Variants in UTRN observed in about 807,000 individuals in gnomAD.
The protein encoded by UTRN is dystrophin-related protein 1.
In UTRN, 283 loss-of-function variants were observed where a neutral mutation model predicts 463.9. The observed-to-expected ratio is 0.61, with a 90% CI of 0.55 to 0.67. The LOEUF (loss-of-function observed/expected upper bound fraction) is 0.67, where lower values mean the gene tolerates loss of function less well. UTRN is among the 30% of genes least tolerant of loss of function. UTRN has a pLI of 0.00. For synonymous variants in UTRN, 1,442 were observed against 1,431.5 expected (o/e 1.01, Z -0.17); for missense variants, 3,922 against 4,084.3 (o/e 0.96, Z 1.08).
intron 65 of UTRN, among the ~76,000 whole-genome samples, chr6:144,805,024 T>G (rs1586646007): frequency 6.6e-6 from 1 of 152,148 alleles, no homozygotes; most frequent in Non-Finnish European, 1.5e-5. Flanking sequence ...TGAACTGTTA[T>G]AAATTATGTT....
intron 51 of UTRN, among the ~76,000 whole-genome samples, chr6:144,618,915 T>C (rs1308774338): frequency 6.6e-6 from 1 of 152,118 alleles, no homozygotes; most frequent in African/African-American, 2.4e-5. Context: ...TTTAACAACT[T>C]TTATGTTCCT....
intron 54 of UTRN, among the ~76,000 whole-genome samples, chr6:144,735,744 A>G (rs946733441): frequency 1.3e-5 from 2 of 152,042 alleles, no homozygotes; most frequent in Admixed American, 1.3e-4. Context: ...AAAACGCCAC[A>G]TTATTCTGGA....
At position 144,514,005 on chromosome 6, in the gene UTRN, A is replaced by C; in HGVS notation, c.5041A>C (p.Lys1681Gln). The change falls in exon 36 of 75, where the codon AAA becomes CAA. Residue 1681 changes from lysine (K) to glutamine (Q), a missense_variant. This residue lies in a region of UTRN where 2,349 missense variants were observed against 2,303.8 expected (regional missense o/e 1.02). Transcript: ENST00000367545. ...AGCTCTATTGGATGAAATTGAAAAG[A>C]AACCAACAAGTAAACAGGAAGAAAT... The part of the protein sequence containing the change: ...AEALLDEIEK[K>Q]PTSKQEEIVK... 1 of 1,614,052 alleles carries C rather than the reference A, an allele frequency of 6.2e-7. No individual in the cohort carries two copies. Among genetic ancestry groups the C allele is most frequent in the Non-Finnish European group, 8.5e-7 (1 of 1,179,946 alleles).
intron 10 of UTRN, 87 bp downstream of exon 10, chr6:144,436,225 C>A: frequency 7.6e-7 from 1 of 1,323,906 alleles, no homozygotes; most frequent in Non-Finnish European, 1.0e-6. Flanking sequence ...TTGTTATCTA[C>A]TGAATTCTGT....
At chr6:144,679,089 G>A (rs1554335457) in intron 52 of UTRN, among the ~76,000 whole-genome samples, 1 of 152,002 alleles carries the variant, frequency 6.6e-6, no homozygotes, top group Non-Finnish European at 1.5e-5. Context: ...TAATCATGTT[G>A]TTTTTTATGC....
intron 20 of UTRN, 48 bp from the exon 21 acceptor site, chr6:144,459,126 G>A: frequency 6.3e-7 from 1 of 1,584,986 alleles, no homozygotes; most frequent in Non-Finnish European, 8.6e-7. Context: ...CTTCCTGTGA[G>A]GATGTTCATC....
chr6:144,659,087 T>C (rs1456767989), intron 51 of UTRN, among the ~76,000 whole-genome samples: 1 of 152,194 alleles, frequency 6.6e-6, no homozygotes, highest in Non-Finnish European at 1.5e-5. Context: ...TTTTGAAAAA[T>C]AAAATTAATC....
intron 52 of UTRN, among the ~76,000 whole-genome samples, chr6:144,680,385 T>C: frequency 6.6e-6 from 1 of 152,200 alleles, no homozygotes; most frequent in Middle Eastern, 3.2e-3. Flanking sequence ...TGGAATATTA[T>C]GTAATAAGTA....
chr6:144,456,455 C>T (rs980363123), intron 19 of UTRN, among the ~76,000 whole-genome samples: 5 of 152,010 alleles, frequency 3.3e-5, no homozygotes, highest in African/African-American at 1.2e-4. Flanking sequence ...GAGATCAACA[C>T]CATCCTGGGC....
At chr6:144,788,126 G>A (rs1002140669) in intron 61 of UTRN, among the ~76,000 whole-genome samples, 1 of 152,100 alleles carries the variant, frequency 6.6e-6, no homozygotes, top group African/African-American at 2.4e-5. Flanking sequence ...ACTTATAAGT[G>A]AAATAGAAAT....
intron 50 of UTRN, among the ~76,000 whole-genome samples, chr6:144,569,958 C>A (rs1480872562): frequency 7.2e-5 from 11 of 152,188 alleles, no homozygotes; most frequent in Admixed American, 6.6e-4. Context: ...CACCCCTAGA[C>A]CCTCCAGAAA....
At chr6:144,557,695 G>A (rs577456093) in intron 50 of UTRN, among the ~76,000 whole-genome samples, 46 of 152,142 alleles carry the variant, frequency 3.0e-4, no homozygotes, top group Admixed American at 1.0e-3. Flanking sequence ...TTGGAATAGC[G>A]TGCTATTTGG....
rs1554339291 is a variant in UTRN at position 144,690,074 on chromosome 6, G to GTTTTT, written c.7653-9995_7653-9991dup. Among the ~76,000 whole-genome samples, 11 of 31,274 alleles carry GTTTTT rather than the reference G, an allele frequency of 3.5e-4. 3 individuals carry two copies. The highest frequency in any genetic ancestry group is 1.9e-3 in the South Asian group (1 of 524). The allele number at this position is 31,274 out of a possible 152,430, so 20.5% of individuals were successfully genotyped here. ...GGCCATAGAGCTCCCAAAAGTTTCT[G>GTTTTT]TTTTTTTTTTTTTTTTTTTTTTGTG... is the stretch of plus-strand genomic sequence containing the variant. On this transcript the variant is annotated intron_variant, in intron 52 of 74. Transcript: ENST00000367545.
intron 53 of UTRN, among the ~76,000 whole-genome samples, chr6:144,721,398 G>A (rs892885814): frequency 3.3e-5 from 5 of 152,104 alleles, no homozygotes; most frequent in South Asian, 2.1e-4. Flanking sequence ...TTATTGAGAC[G>A]GGGTCTAGCT....
At chr6:144,557,438 T>C in intron 50 of UTRN, 127 bp downstream of exon 50, 1 of 966,496 alleles carries the variant, frequency 1.0e-6, no homozygotes, top group Non-Finnish European at 1.5e-6. Context: ...TGTATTTTTA[T>C]ACTGTGATGT....
chr6:144,350,256 TA>T (rs11443344), intron 2 of UTRN, among the ~76,000 whole-genome samples: 393 of 141,750 alleles, frequency 2.8e-3, no homozygotes, highest in Middle Eastern at 3.8e-3. Flanking sequence ...GACTGTTTTC[TA>T]AAAAAAAAAA....
intron 54 of UTRN, among the ~76,000 whole-genome samples, chr6:144,745,331 C>T (rs1790598100): frequency 6.6e-6 from 1 of 151,200 alleles, no homozygotes; most frequent in Admixed American, 6.6e-5. Context: ...TTTATTTTAC[C>T]CCAAATAGTC....
At chr6:144,799,610 G>C in intron 64 of UTRN, 1 of 418,566 alleles carries the variant, frequency 2.4e-6, no homozygotes, top group Admixed American at 2.7e-5. Flanking sequence ...ATTCAAATGA[G>C]AGATGTAGTC....
chr6:144,650,806 G>T (rs1778740332), intron 51 of UTRN, among the ~76,000 whole-genome samples: 1 of 152,074 alleles, frequency 6.6e-6, no homozygotes, highest in Admixed American at 6.5e-5. Flanking sequence ...CTACTCAGGA[G>T]GCTGAGACAG....
Sources: allele counts gnomAD v4.1 joint callset (sites outside exome capture counted in the v4.1 genomes callset), GRCh38; gene constraint gnomAD v4.1.1; regional missense constraint gnomAD v4.1.1; transcripts MANE v1.5; gene names NCBI Gene and HGNC (gene_info 2026-07-23, HGNC 2026-07-21).